Variants in MORC1 observed in about 807,000 individuals in gnomAD.
MORC1 encodes the protein MORC family CW-type zinc finger protein 1.
Under a neutral mutation model 134.9 loss-of-function variants are expected in MORC1, and 59 were observed. That is an observed-to-expected ratio of 0.44 (90% CI 0.35 to 0.54). MORC1 has a LOEUF of 0.54. MORC1 is among the 20% of genes least tolerant of loss of function. The pLI is 0.00. For missense variants in MORC1, 947 were observed against 1,134.5 expected, an observed-to-expected ratio of 0.83 and a Z score of 2.37; for synonymous variants, 395 against 391.7, an observed-to-expected ratio of 1.01 and a Z score of -0.10.
chr3:109,005,224 C>T lies in MORC1; in HGVS notation c.1859G>A (p.Gly620Glu), dbSNP rs1158679532. Residue 620 changes from glycine to glutamate, a missense_variant, in exon 19 of 28, where the codon GGA (glycine) becomes GAA (glutamate). Gly to Glu is a moderately conservative substitution (Grantham distance 98). Around this residue, in one of 3 missense-constraint regions of MORC1, gnomAD observed 722 missense variants for 817.0 expected, o/e 0.88. Transcript: ENST00000232603. Reference sequence around the variant, plus strand: ...TGTCTCTTCTATGTTTCTTTTCTGTCCTCTACGGCTCGCTGAAAGCTCAAA... The same window carrying T: ...TGTCTCTTCTATGTTTCTTTTCTGTTCTCTACGGCTCGCTGAAAGCTCAAA... ...SSFELSASRR[G>E]QKRNIEETDS... 6.2e-7 allele frequency: 1 copy of T among 1,613,870 alleles called. No individual in the cohort carries two copies. Among genetic ancestry groups the T allele is most frequent in the Non-Finnish European group, 8.5e-7 (1 of 1,179,948 alleles).
chr3:109,062,086 C>T, intron 10 of MORC1, 28 bp from the exon 11 acceptor site: 1 of 1,604,894 alleles, frequency 6.2e-7, no homozygotes. Flanking sequence ...ATAGTTATAA[C>T]ACAGCAAAAT....
At chr3:109,103,304 A>G (rs1405699990) in intron 4 of MORC1, among the ~76,000 whole-genome samples, 1 of 152,242 alleles carries the variant, frequency 6.6e-6, no homozygotes, top group South Asian at 2.1e-4. Flanking sequence ...CTTTGTGCTA[A>G]CCTTGAATAC....
chr3:108,979,543 T>A lies in MORC1; in HGVS notation c.2449A>T (p.Thr817Ser). 6.2e-7 allele frequency: 1 copy of A among 1,614,044 alleles called. No homozygotes were observed. The highest frequency in any genetic ancestry group is 8.5e-7 in the Non-Finnish European group (1 of 1,179,962). Reference sequence around the variant, plus strand: ...AACTTAGACTTCAGTTTTCTCACTGTTTCCTTGACAGGTGTGCTTTGAGAA... The same window carrying A: ...AACTTAGACTTCAGTTTTCTCACTGATTCCTTGACAGGTGTGCTTTGAGAA... ...ASSQSTPVKE[T>S]VRKLKSKLRE... The change falls in exon 24 of 28, where the codon ACA becomes TCA. Residue 817 changes from threonine (T) to serine (S), a missense_variant. Thr to Ser is a moderately conservative substitution (Grantham distance 58, BLOSUM62 1). This residue lies in a region of MORC1 where 722 missense variants were observed against 817.0 expected (regional missense o/e 0.88). Coordinates refer to ENST00000232603, the MANE Select transcript of MORC1 (RefSeq NM_014429.4).
chr3:109,018,085 A>T (rs73202751), intron 17 of MORC1, among the ~76,000 whole-genome samples: 4,369 of 152,256 alleles, frequency 0.029, 101 homozygotes, highest in Non-Finnish European at 0.045. Flanking sequence ...TCTGGTGTAG[A>T]TCTCAGGAGT....
chr3:109,073,042 T>C (rs1200146607), intron 8 of MORC1, among the ~76,000 whole-genome samples: 1 of 151,868 alleles, frequency 6.6e-6, no homozygotes, highest in African/African-American at 2.4e-5. Context: ...ACTGGCTTCA[T>C]AGTCTGTGGA....
At chr3:109,077,667 G>GA (rs1260435547) in intron 8 of MORC1, among the ~76,000 whole-genome samples, 3 of 151,810 alleles carry the variant, frequency 2.0e-5, no homozygotes, top group Non-Finnish European at 4.4e-5. Context: ...AGTGGGGAGA[G>GA]AAAAAATAAA....
chr3:109,091,446 A>T (rs5009352), intron 8 of MORC1, among the ~76,000 whole-genome samples: 22,777 of 147,014 alleles, frequency 0.15, 2,494 homozygotes, highest in Admixed American at 0.21. Flanking sequence ...TCCATCTAAA[A>T]AAATAAATAA....
intron 2 of MORC1, among the ~76,000 whole-genome samples, chr3:109,113,778 T>A (rs1951218535): frequency 1.0e-5 from 1 of 98,606 alleles, no homozygotes; most frequent in Non-Finnish European, 2.7e-5. Context: ...TTAGAGACAG[T>A]AAAATACGAC....
chr3:109,016,130 T>C (rs1948811459), intron 17 of MORC1, among the ~76,000 whole-genome samples: 1 of 152,188 alleles, frequency 6.6e-6, no homozygotes, highest in Non-Finnish European at 1.5e-5. Flanking sequence ...ATAAACCAGA[T>C]GAATTTTCCT....
chr3:109,022,688 A>G (rs1559899604), intron 17 of MORC1, among the ~76,000 whole-genome samples: 1 of 152,246 alleles, frequency 6.6e-6, no homozygotes, highest in Non-Finnish European at 1.5e-5. Flanking sequence ...GAAGTTGGTC[A>G]GCCTAACCTA....
intron 14 of MORC1, among the ~76,000 whole-genome samples, chr3:109,041,289 C>A (rs911791843): frequency 1.3e-5 from 2 of 149,886 alleles, no homozygotes; most frequent in East Asian, 3.9e-4. Flanking sequence ...CCAGCCTGGG[C>A]GACAGACAAA....
intron 8 of MORC1, among the ~76,000 whole-genome samples, chr3:109,073,292 A>C (rs1435325280): frequency 6.6e-6 from 1 of 152,142 alleles, no homozygotes; most frequent in Non-Finnish European, 1.5e-5. Context: ...AAGGAGCCAG[A>C]AACTAATGTT....
intron 8 of MORC1, among the ~76,000 whole-genome samples, chr3:109,083,717 C>T (rs1329034776): frequency 6.6e-6 from 1 of 152,130 alleles, no homozygotes; most frequent in African/African-American, 2.4e-5. Context: ...AAAAGGAAAA[C>T]TACAGGCCAA....
intron 7 of MORC1, among the ~76,000 whole-genome samples, chr3:109,094,122 G>T (rs956183612): frequency 1.3e-5 from 2 of 152,174 alleles, no homozygotes; most frequent in Non-Finnish European, 2.9e-5. Flanking sequence ...AAATGAATGA[G>T]TGTGGTTGCG....
intron 8 of MORC1, among the ~76,000 whole-genome samples, chr3:109,091,710 T>C (rs1236193702): frequency 1.3e-5 from 2 of 152,132 alleles, no homozygotes; most frequent in African/African-American, 4.8e-5. Context: ...GAATCCTCTT[T>C]ACAGTGATTC....
chr3:109,045,158 T>C (rs922038078), intron 14 of MORC1, among the ~76,000 whole-genome samples: 1 of 152,080 alleles, frequency 6.6e-6, no homozygotes, highest in Non-Finnish European at 1.5e-5. Context: ...AGAAAAATGG[T>C]ATACCTGGAG....
intron 22 of MORC1, among the ~76,000 whole-genome samples, chr3:108,985,990 C>G (rs1464284694): frequency 3.9e-5 from 6 of 152,048 alleles, no homozygotes; most frequent in African/African-American, 1.4e-4. Context: ...GAATGAATAG[C>G]TGATTAGGTT....
chr3:109,066,903 G>A (rs17304337), intron 9 of MORC1, among the ~76,000 whole-genome samples: 3,472 of 152,178 alleles, frequency 0.023, 65 homozygotes, highest in Middle Eastern at 0.11. Flanking sequence ...TCCACATTTC[G>A]CTTCCAATTA....
At position 109,093,435 on chromosome 3, in the gene MORC1, C is replaced by T. The variant is rs1403709978; in HGVS notation, c.689+1G>A. 6.2e-7 allele frequency: 1 copy of T among 1,607,156 alleles called. No homozygotes were observed. Among genetic ancestry groups the T allele is most frequent in the Admixed American group, 1.7e-5 (1 of 59,958 alleles). ...AAACATTCTGTCAAACACACACATA[C>T]TCCTCCAGAGCTCCAGCCATCAGTA... is the stretch of plus-strand genomic sequence containing the variant. On this transcript the variant is annotated splice_donor_variant, in intron 8 of 27. Transcript: ENST00000232603. LOFTEE classifies it high-confidence loss of function.
Sources: gnomAD v4.1 joint callset for allele counts (sites outside exome capture counted in the v4.1 genomes callset) on GRCh38, gnomAD v4.1.1 for gene constraint, gnomAD v4.1.1 regional missense constraint, MANE v1.5 for transcripts, NCBI Gene and HGNC (gene_info 2026-07-23, HGNC 2026-07-21) for gene names.